The following PCDHA2 variants were observed in gnomAD, a reference collection of about 807,000 sequenced individuals.
PCDHA2 encodes protocadherin alpha 2, also known as protocadherin alpha-2.
In PCDHA2, 58 loss-of-function variants were observed where a neutral mutation model predicts 66.0. The observed-to-expected ratio is 0.88, with a 90% CI of 0.71 to 1.09. The LOEUF (loss-of-function observed/expected upper bound fraction) is 1.09. Among genes scored for constraint, PCDHA2 ranks in the 50% least tolerant of loss-of-function variants. PCDHA2 has a pLI of 0.00. For synonymous variants in PCDHA2, 634 were observed against 554.0 expected (o/e 1.14, Z -2.03); for missense variants, 1,267 against 1,242.3 (o/e 1.02, Z -0.30).
At chr5:140,832,778 A>G (rs1554133657) in intron 1 of PCDHA2, among the ~76,000 whole-genome samples, 1 of 152,222 alleles carries the variant, frequency 6.6e-6, no homozygotes, top group Non-Finnish European at 1.5e-5. Flanking sequence ...AAGAGGTGCT[A>G]GAAAGGTACA....
chr5:140,822,920 G>C, intron 1 of PCDHA2: 1 of 1,614,238 alleles, frequency 6.2e-7, no homozygotes, highest in Non-Finnish European at 8.5e-7. Flanking sequence ...GGTGCCAACG[G>C]GCAGGTGACC....
chr5:140,922,176 CA>C (rs3836750), intron 1 of PCDHA2, among the ~76,000 whole-genome samples: 49,174 of 150,706 alleles, frequency 0.33, 8,259 homozygotes, highest in East Asian at 0.53. Context: ...GTACAGCAGA[CA>C]AAAAAAAAGT....
intron 1 of PCDHA2, among the ~76,000 whole-genome samples, chr5:140,886,663 T>G (rs1164928390): frequency 6.6e-6 from 1 of 151,786 alleles, no homozygotes; most frequent in Non-Finnish European, 1.5e-5. Flanking sequence ...CTGTCTCTAC[T>G]AAAAATACAA....
chr5:140,844,111 C>T lies in PCDHA2; in HGVS notation c.2388+46759C>T, dbSNP rs2150368836. Among the ~76,000 whole-genome samples, 154 of 149,570 alleles carry T rather than the reference C, an allele frequency of 1.0e-3. 8 individuals are homozygous for T. The highest frequency in any genetic ancestry group is 3.7e-3 in the African/African-American group (153 of 40,936). On this transcript the variant is annotated intron_variant, in intron 1 of 3. Transcript: ENST00000526136. ...TCTTAATCTTACTCCATATGCTGTA[C>T]TTTGAAATGCATGTTTTAAATATGT...
intron 1 of PCDHA2, chr5:140,929,631 A>G (rs1584645197): frequency 2.6e-6 from 1 of 386,808 alleles, no homozygotes; most frequent in Non-Finnish European, 4.7e-6. Flanking sequence ...TTTATAAGCA[A>G]CAGATGTGTA....
At chr5:140,822,474 T>A in intron 1 of PCDHA2, 2 of 1,613,832 alleles carry the variant, frequency 1.2e-6, no homozygotes, top group South Asian at 2.2e-5. Context: ...ATGTATTGGA[T>A]GCTAATGATA....
chr5:140,816,271 A>G (rs1765874884), intron 1 of PCDHA2: 1 of 152,096 alleles, frequency 6.6e-6, no homozygotes, highest in Non-Finnish European at 1.5e-5. Flanking sequence ...TCATTCTTCT[A>G]CTTGATTAAG....
At chr5:140,871,593 A>G in intron 1 of PCDHA2, 3 of 1,458,668 alleles carry the variant, frequency 2.1e-6, no homozygotes, top group South Asian at 1.5e-5. Context: ...TTTTATGAAT[A>G]ACCAGTGTTT....
intron 1 of PCDHA2, among the ~76,000 whole-genome samples, chr5:140,933,589 G>T (rs1369666636): frequency 8.6e-5 from 13 of 152,012 alleles, no homozygotes; most frequent in Non-Finnish European, 2.9e-5. Context: ...GGGTTTTTAG[G>T]TTGATTTGTC....
At chr5:140,874,406 C>T (rs1399717105) in intron 1 of PCDHA2, among the ~76,000 whole-genome samples, 2 of 152,122 alleles carry the variant, frequency 1.3e-5, no homozygotes, top group Non-Finnish European at 2.9e-5. Flanking sequence ...ATAACAGTCA[C>T]CATTCTGATT....
intron 1 of PCDHA2, among the ~76,000 whole-genome samples, chr5:140,901,959 A>G (rs1163639408): frequency 6.6e-6 from 1 of 152,076 alleles, no homozygotes; most frequent in Admixed American, 6.6e-5. Flanking sequence ...ATTCGTGGCT[A>G]TCGTAAATGG....
At chr5:140,801,470 C>A (rs781855381) in intron 1 of PCDHA2, 3 of 1,614,076 alleles carry the variant, frequency 1.9e-6, no homozygotes, top group South Asian at 2.2e-5. Context: ...CTCGGATAGA[C>A]CGCGAGGAAC....
At chr5:141,001,220 G>T (rs1554258038) in intron 3 of PCDHA2, among the ~76,000 whole-genome samples, 1 of 152,116 alleles carries the variant, frequency 6.6e-6, no homozygotes, top group African/African-American at 2.4e-5. Flanking sequence ...TATAAGGATA[G>T]TTACATTTAA....
At position 140,868,760 on chromosome 5, in the gene PCDHA2, T is replaced by A. The variant is rs554040026; in HGVS notation, c.2388+71408T>A. On this transcript the variant is annotated intron_variant, in intron 1 of 3. Transcript: ENST00000526136. ...AATACAATGCCATTTCCATATATATTTAGTTTCAATATGACTTATAATCTG... is the reference window on the plus strand; with the variant it reads ...AATACAATGCCATTTCCATATATATATAGTTTCAATATGACTTATAATCTG... The A allele has an allele frequency of 3.0e-3, 699 of 232,214 alleles. 6 individuals carry two copies. The highest frequency in any genetic ancestry group is 0.014 in the African/African-American group (640 of 44,274). The allele number at this position is 232,214 out of a possible 1,614,324, so 14.4% of individuals were successfully genotyped here.
rs549444106 is a variant in PCDHA2 at position 140,953,999 on chromosome 5, T to C, written c.2389-24950T>C. Among the ~76,000 whole-genome samples the C allele has an allele frequency of 1.1e-4, 16 of 152,294 alleles. No homozygotes were observed. In the South Asian group the frequency reaches 3.3e-3, roughly 32 times the overall value. ...CCCTTCATATTTTCATGTGTACTCA[T>C]CATTCAGCTCCCACACATAGTGGGA... is the stretch of plus-strand genomic sequence containing the variant. On this transcript the variant is annotated intron_variant, in intron 1 of 3. Transcript: ENST00000526136.
chr5:140,860,192 C>CATATATATATATATATATATATAT (rs143984774), intron 1 of PCDHA2: 72 of 146,840 alleles, frequency 4.9e-4, no homozygotes, highest in Middle Eastern at 3.6e-3. Context: ...GCTCTCCTTA[C>CATATATATATATATATATATATAT]ATATATATCT....
At chr5:140,994,433 T>G (rs2097622592) in intron 3 of PCDHA2, among the ~76,000 whole-genome samples, 1 of 152,204 alleles carries the variant, frequency 6.6e-6, no homozygotes, top group African/African-American at 2.4e-5. Flanking sequence ...CCGGGCGCAG[T>G]GGCTCACACC....
intron 1 of PCDHA2, chr5:140,969,449 AG>A (rs1470034134): frequency 2.8e-5 from 43 of 1,510,842 alleles, no homozygotes; most frequent in Non-Finnish European, 3.2e-5. Flanking sequence ...TGGTAAACTG[AG>A]TATATATAGT....
chr5:140,802,772 C>T (rs1763021165), intron 1 of PCDHA2: 16 of 1,613,090 alleles, frequency 9.9e-6, no homozygotes, highest in East Asian at 2.2e-5. Context: ...CGCTGGACCA[C>T]GAGGAGCTAG....
Sources: gnomAD v4.1 joint callset for allele counts (sites outside exome capture counted in the v4.1 genomes callset) on GRCh38, gnomAD v4.1.1 for gene constraint, MANE v1.5 for transcripts, NCBI Gene and HGNC (gene_info 2026-07-23, HGNC 2026-07-21) for gene names.